Variants in UBE4B observed in about 807,000 individuals in gnomAD.
UBE4B encodes ubiquitin conjugation factor E4 B.
In UBE4B, 27 loss-of-function variants were observed where a neutral mutation model predicts 148.1. The ratio of observed to expected loss-of-function variants is 0.18; its 90% CI spans 0.13 to 0.25. The LOEUF (loss-of-function observed/expected upper bound fraction) is 0.25, where lower values mean the gene tolerates loss of function less well. UBE4B is among the 10% of genes least tolerant of loss of function. UBE4B has a pLI of 1.00. For missense variants in UBE4B, 1,170 were observed against 1,662.4 expected, an observed-to-expected ratio of 0.70 and a Z score of 5.15; for synonymous variants, 596 against 619.3, an observed-to-expected ratio of 0.96 and a Z score of 0.56.
At chr1:10,060,077 CTG>C (rs139760788) in intron 1 of UBE4B, among the ~76,000 whole-genome samples, 1 of 151,638 alleles carries the variant, frequency 6.6e-6, no homozygotes, top group Non-Finnish European at 1.5e-5. Flanking sequence ...CGTCAGGTCC[CTG>C]TGTGTGTGTG....
intron 21 of UBE4B, among the ~76,000 whole-genome samples, chr1:10,156,918 C>G (rs149618075): frequency 6.6e-6 from 1 of 152,002 alleles, no homozygotes; most frequent in African/African-American, 2.4e-5. Context: ...CCTGTAATCT[C>G]AGTACTTTGG....
In UBE4B at chr1:10,149,193, G is replaced by A. The variant is rs1196332002; in HGVS notation, c.2601G>A (p.Leu867=). The change falls in exon 20 of 28, where the codon CTG becomes CTA. Residue 867 remains leucine, a synonymous_variant. Coordinates refer to ENST00000343090, the MANE Select transcript of UBE4B (RefSeq NM_001105562.3). ...ILDPAYPDIT[L]PLNSDVPKVF... is the part of the protein sequence containing the mutation. The stretch of plus-strand genomic sequence containing the variant: ...TTTTTCTCTTTGACAGTATAACACT[G>A]CCTTTAAATTCAGATGTCCCCAAGG... 2 of 1,603,318 alleles carry A rather than the reference G, an allele frequency of 1.2e-6. No homozygotes were observed. Among genetic ancestry groups the A allele is most frequent in the South Asian group, 2.3e-5 (2 of 88,212 alleles).
intron 23 of UBE4B, among the ~76,000 whole-genome samples, chr1:10,165,266 G>A (rs1011134086): frequency 2.0e-5 from 3 of 152,106 alleles, no homozygotes; most frequent in African/African-American, 4.8e-5. Flanking sequence ...GCTCAGGCTC[G>A]ATGCTTTGGA....
intron 7 of UBE4B, among the ~76,000 whole-genome samples, chr1:10,109,208 G>A (rs1162761886): frequency 4.6e-5 from 7 of 152,084 alleles, no homozygotes; most frequent in Non-Finnish European, 1.0e-4. Context: ...GGGGGAACGG[G>A]GGGGCCGGGG....
intron 25 of UBE4B, 114 bp downstream of exon 25, chr1:10,171,443 T>C: frequency 7.5e-7 from 1 of 1,335,180 alleles, no homozygotes; most frequent in East Asian, 2.4e-5. Flanking sequence ...TGTTTTCCTT[T>C]GAGTGTGAAG....
intron 1 of UBE4B, among the ~76,000 whole-genome samples, chr1:10,044,552 T>TCTTCCTTCCTTC (rs553765104): frequency 1.4e-4 from 22 of 151,772 alleles, no homozygotes; most frequent in Non-Finnish European, 2.5e-4. Flanking sequence ...CCTTCCTTAC[T>TCTTCCTTCCTTC]CTTCCTTCCT....
At chr1:10,178,877 A>C in intron 26 of UBE4B, 59 bp downstream of exon 26, 1 of 1,525,564 alleles carries the variant, frequency 6.6e-7, no homozygotes, top group African/African-American at 1.4e-5. Context: ...AATCGATAAC[A>C]TTACAAGAGG....
chr1:10,090,590 T>C (rs191203933), intron 2 of UBE4B, among the ~76,000 whole-genome samples: 1 of 152,190 alleles, frequency 6.6e-6, no homozygotes, highest in Non-Finnish European at 1.5e-5. Context: ...TGAGGCGTTT[T>C]GGTTTTTTAA....
intron 2 of UBE4B, among the ~76,000 whole-genome samples, chr1:10,092,541 A>G (rs1644864670): frequency 6.6e-6 from 1 of 151,954 alleles, no homozygotes; most frequent in Admixed American, 6.6e-5. Flanking sequence ...TTCTTAAAAT[A>G]AGGAGGCCAG....
intron 2 of UBE4B, among the ~76,000 whole-genome samples, chr1:10,073,619 C>T (rs1644524280): frequency 6.6e-6 from 1 of 152,106 alleles, no homozygotes; most frequent in Admixed American, 6.6e-5. Flanking sequence ...ACAAGAGAGG[C>T]TGAGGCATGA....
rs185602325 is a variant in UBE4B at position 10,176,494 on chromosome 1, T to C, written c.3526-2150T>C. 1.4e-4 allele frequency among the ~76,000 whole-genome samples: 22 copies of C among 152,290 alleles called. No individual in the cohort carries two copies. In the East Asian group the frequency reaches 3.7e-3, roughly 25 times the overall value. ...GGTTTAAGTTTCCATTCTTTTTCAT[T>C]TTTTTTCTTTGGTTTAGTTTATATT... On this transcript the variant is annotated intron_variant, in intron 25 of 27. Coordinates refer to ENST00000343090, the MANE Select transcript of UBE4B (RefSeq NM_001105562.3).
intron 2 of UBE4B, among the ~76,000 whole-genome samples, chr1:10,093,756 G>A (rs769223036): frequency 1.1e-4 from 17 of 151,716 alleles, no homozygotes; most frequent in Non-Finnish European, 2.2e-4. Flanking sequence ...GGGCAGTGGG[G>A]CGATCTTGGC....
intron 21 of UBE4B, 111 bp downstream of exon 21, chr1:10,151,672 G>A (rs977149336): frequency 9.9e-6 from 9 of 910,228 alleles, no homozygotes; most frequent in Middle Eastern, 2.2e-4. Flanking sequence ...TGCTACCTGT[G>A]TGTATAGCCT....
intron 9 of UBE4B, among the ~76,000 whole-genome samples, chr1:10,121,154 T>C (rs116508686): frequency 0.022 from 3,329 of 151,806 alleles, 48 homozygotes; most frequent in Non-Finnish European, 0.033. Flanking sequence ...CACCTGAGGT[T>C]AGGAGTTTGG....
At chr1:10,040,621 CTTTTTT>C (rs1185644090) in intron 1 of UBE4B, among the ~76,000 whole-genome samples, 2 of 141,130 alleles carry the variant, frequency 1.4e-5, no homozygotes, top group African/African-American at 5.2e-5. Context: ...CTTCTTTTTT[CTTTTTT>C]TTTTTTTGAG....
rs570111322 is a variant in UBE4B at position 10,179,195 on chromosome 1, C to T, written c.3701-221C>T. The T allele has an allele frequency of 1.9e-3, 1,116 of 576,502 alleles. 3 individuals carry two copies. The highest frequency in any genetic ancestry group is 2.5e-3 in the Non-Finnish European group (850 of 339,230). 35.7% of individuals were successfully genotyped at this position (576,502 alleles called of 1,614,324 possible). The stretch of plus-strand genomic sequence containing the variant: ...CTGTCCCAGGCTTTCTTCTCTGTTC[C>T]CTCCCCCCAGCAGTAGCTGACAAAG... On this transcript the variant is annotated intron_variant, in intron 26 of 27. Transcript: ENST00000343090.
chr1:10,131,441 C>CGT (rs1645591670), intron 14 of UBE4B, among the ~76,000 whole-genome samples: 1 of 151,888 alleles, frequency 6.6e-6, no homozygotes, highest in Non-Finnish European at 1.5e-5. Flanking sequence ...GCCAAGATCA[C>CGT]GCCACTGCAC....
At chr1:10,145,099 G>A in intron 18 of UBE4B, 60 bp downstream of exon 18, 1 of 1,366,640 alleles carries the variant, frequency 7.3e-7, no homozygotes, top group Non-Finnish European at 1.0e-6. Flanking sequence ...TTTCCCAACA[G>A]AATATATGCC....
chr1:10,037,016 G>C (rs1643564054), intron 1 of UBE4B, among the ~76,000 whole-genome samples: 1 of 152,016 alleles, frequency 6.6e-6, no homozygotes, highest in Non-Finnish European at 1.5e-5. Flanking sequence ...AGATCACCTA[G>C]AATTCTTGTG....
Sources: allele counts gnomAD v4.1 joint callset (sites outside exome capture counted in the v4.1 genomes callset), GRCh38; gene constraint gnomAD v4.1.1; transcripts MANE v1.5; gene names NCBI Gene and HGNC (gene_info 2026-07-23, HGNC 2026-07-21).